The following TENM4 variants were observed in gnomAD, a reference collection of about 807,000 sequenced individuals.
The protein encoded by TENM4 is teneurin transmembrane protein 4.
TENM4 carries 82 observed loss-of-function variants against 243.3 expected under a neutral mutation model. That is an observed-to-expected ratio of 0.34 (90% CI 0.28 to 0.40). The LOEUF is 0.40. Ranked by LOEUF, TENM4 falls within the 10% of genes least tolerant of loss-of-function variation. The pLI, the probability that TENM4 is intolerant of heterozygous loss-of-function variation, is 1.00. For missense variants in TENM4, 3,138 were observed against 3,673.3 expected, an observed-to-expected ratio of 0.85 and a Z score of 3.77; for synonymous variants, 1,412 against 1,456.3, an observed-to-expected ratio of 0.97 and a Z score of 0.69.
At chr11:78,832,109 C>T (rs961413786) in intron 12 of TENM4, among the ~76,000 whole-genome samples, 2 of 152,220 alleles carry the variant, frequency 1.3e-5, no homozygotes, top group African/African-American at 4.8e-5. Context: ...GGGAACCCCG[C>T]TCTCATTCCC....
chr11:79,126,598 T>C (rs1027353098), intron 4 of TENM4, among the ~76,000 whole-genome samples: 1 of 152,186 alleles, frequency 6.6e-6, no homozygotes, highest in African/African-American at 2.4e-5. Flanking sequence ...GAAGTGAAAC[T>C]GATAGGAAGC....
rs899191150 is a variant in TENM4 at position 79,366,600 on chromosome 11, C to T, written c.-320-69057G>A. Among the ~76,000 whole-genome samples the T allele has an allele frequency of 9.9e-5, 15 of 152,260 alleles. 1 individual carries two copies. Among genetic ancestry groups the T allele is most frequent in the Admixed American group, 9.2e-4 (14 of 15,294 alleles). ...CATGGAGTTCCAAAGGTAATGTAAC[C>T]AATAGGTAATTTTCTCTTTGGGCAC... On this transcript the variant is annotated intron_variant, in intron 1 of 33. Coordinates refer to ENST00000278550, the MANE Select transcript of TENM4 (RefSeq NM_001098816.3).
chr11:79,233,646 G>A (rs1864410081), intron 2 of TENM4, among the ~76,000 whole-genome samples: 1 of 152,138 alleles, frequency 6.6e-6, no homozygotes, highest in Non-Finnish European at 1.5e-5. Flanking sequence ...GTGGGGCAAG[G>A]CGGGGGGCTG....
chr11:78,992,443 T>C (rs1858069139), intron 6 of TENM4, among the ~76,000 whole-genome samples: 1 of 152,230 alleles, frequency 6.6e-6, no homozygotes, highest in Non-Finnish European at 1.5e-5. Flanking sequence ...TTTCTCTGAT[T>C]ACACTGTGCA....
At chr11:79,335,795 T>C (rs536490967) in intron 1 of TENM4, among the ~76,000 whole-genome samples, 1 of 152,316 alleles carries the variant, frequency 6.6e-6, no homozygotes, top group South Asian at 2.1e-4. Context: ...GACTGAGTTA[T>C]AGGAGCCCGC....
At chr11:79,376,448 C>A (rs1217546066) in intron 1 of TENM4, among the ~76,000 whole-genome samples, 1 of 152,196 alleles carries the variant, frequency 6.6e-6, no homozygotes, top group Non-Finnish European at 1.5e-5. Flanking sequence ...GGGCTACCTG[C>A]CTCACTCCTA....
intron 6 of TENM4, among the ~76,000 whole-genome samples, chr11:78,918,051 C>G (rs897910115): frequency 6.6e-6 from 1 of 152,112 alleles, no homozygotes; most frequent in Non-Finnish European, 1.5e-5. Context: ...TGTTCATGCT[C>G]CATGGCAACT....
chr11:79,381,656 A>T (rs1303313060), intron 1 of TENM4, among the ~76,000 whole-genome samples: 1 of 151,332 alleles, frequency 6.6e-6, no homozygotes, highest in Admixed American at 6.6e-5. Context: ...GATGGGTTCA[A>T]GGAGTACTGT....
intron 32 of TENM4, among the ~76,000 whole-genome samples, chr11:78,662,800 T>C (rs189255240): frequency 1.3e-5 from 2 of 152,168 alleles, no homozygotes; most frequent in Non-Finnish European, 2.9e-5. Flanking sequence ...ATGAATAACA[T>C]TGATACAAGG....
chr11:79,266,619 C>A (rs1855888242), intron 2 of TENM4, among the ~76,000 whole-genome samples: 1 of 152,186 alleles, frequency 6.6e-6, no homozygotes, highest in Non-Finnish European at 1.5e-5. Flanking sequence ...CAACCTTCCA[C>A]TTACGCTGTG....
intron 2 of TENM4, among the ~76,000 whole-genome samples, chr11:79,260,092 C>T (rs555506177): frequency 6.6e-5 from 10 of 152,244 alleles, no homozygotes; most frequent in Admixed American, 2.6e-4. Flanking sequence ...AACATTGTGC[C>T]TCAAACATAG....
At chr11:78,692,789 T>C (rs1858858730) in intron 28 of TENM4, among the ~76,000 whole-genome samples, 1 of 152,206 alleles carries the variant, frequency 6.6e-6, no homozygotes. Context: ...GGGGTGCTCA[T>C]GCTTCCCGTT....
At chr11:78,890,532 A>T (rs1026899440) in intron 8 of TENM4, among the ~76,000 whole-genome samples, 3 of 152,120 alleles carry the variant, frequency 2.0e-5, no homozygotes, top group African/African-American at 7.2e-5. Flanking sequence ...AGGGGGTTTT[A>T]TTGGTGTTGA....
chr11:78,990,649 T>C (rs1365301693), intron 6 of TENM4, among the ~76,000 whole-genome samples: 1 of 152,206 alleles, frequency 6.6e-6, no homozygotes, highest in African/African-American at 2.4e-5. Context: ...AACACACAGA[T>C]AGGAGTCTGT....
chr11:78,840,299 C>T (rs1039686648), intron 12 of TENM4, among the ~76,000 whole-genome samples: 1 of 152,060 alleles, frequency 6.6e-6, no homozygotes, highest in African/African-American at 2.4e-5. Flanking sequence ...CCCTTGTACC[C>T]TGACTAGACT....
At chr11:78,690,280 C>A (rs922233859) in intron 28 of TENM4, among the ~76,000 whole-genome samples, 1 of 152,144 alleles carries the variant, frequency 6.6e-6, no homozygotes, top group African/African-American at 2.4e-5. Flanking sequence ...ACTTCTCTCA[C>A]ATGGAGACCC....
chr11:79,182,157 A>G (rs1863295449), intron 3 of TENM4, among the ~76,000 whole-genome samples: 1 of 152,226 alleles, frequency 6.6e-6, no homozygotes, highest in Non-Finnish European at 1.5e-5. Flanking sequence ...AGAAGAATAA[A>G]GACAGAGGAC....
At chr11:78,867,004 G>A (rs1022741920) in intron 9 of TENM4, among the ~76,000 whole-genome samples, 8 of 152,274 alleles carry the variant, frequency 5.3e-5, no homozygotes, top group East Asian at 3.9e-4. Context: ...TATGGGACAC[G>A]TGAGATGTTT....
chr11:79,143,563 A>AAT (rs1862336375), intron 4 of TENM4, among the ~76,000 whole-genome samples: 1 of 152,016 alleles, frequency 6.6e-6, no homozygotes, highest in Non-Finnish European at 1.5e-5. Context: ...CATTAGGATA[A>AAT]ATAACCTAAT....
Sources: allele counts gnomAD v4.1 joint callset (sites outside exome capture counted in the v4.1 genomes callset), GRCh38; gene constraint gnomAD v4.1.1; transcripts MANE v1.5; gene names NCBI Gene and HGNC (gene_info 2026-07-23, HGNC 2026-07-21).